RMND1: variants seen among roughly 807,000 people sequenced by gnomAD.
The protein encoded by RMND1 is required for meiotic nuclear division protein 1 homolog.
RMND1 carries 41 observed loss-of-function variants against 54.0 expected under a neutral mutation model. The ratio of observed to expected loss-of-function variants is 0.76; its 90% confidence interval spans 0.59 to 0.98. The LOEUF (loss-of-function observed/expected upper bound fraction) is 0.98. Among genes scored for constraint, RMND1 ranks in the 50% least tolerant of loss-of-function variants. The probability of loss-of-function intolerance (pLI) is 0.00; values close to 1 mark genes in which losing one functional copy is unlikely to be tolerated. For missense variants in RMND1, 457 were observed against 532.0 expected (o/e 0.86, Z 1.39); for synonymous variants, 183 against 181.7 (o/e 1.01, Z -0.06).
intron 2 of RMND1, among the ~76,000 whole-genome samples, chr6:151,443,371 G>A (rs1461702477): frequency 6.6e-6 from 1 of 152,086 alleles, no homozygotes; most frequent in African/African-American, 2.4e-5. Context: ...GAGTGCAGTG[G>A]CATGATCTCA....
chr6:151,444,285 G>A lies in RMND1; in HGVS notation c.504+1023C>T, dbSNP rs556785523. 7.9e-5 allele frequency among the ~76,000 whole-genome samples: 12 copies of A among 152,246 alleles called. No homozygotes were observed. The South Asian group carries it at 2.5e-3, about 32-fold the overall frequency. On this transcript the variant is annotated intron_variant, in intron 2 of 11. Transcript: ENST00000444024. ...GGACACTTAAATACTGAATTTCCCA[G>A]GTTACCCCAAAGCTCCAGCAAAAGG...
chr6:151,415,826 A>T (rs1478920414), intron 10 of RMND1, among the ~76,000 whole-genome samples: 1 of 150,940 alleles, frequency 6.6e-6, no homozygotes, highest in Non-Finnish European at 1.5e-5. Context: ...CACATACTGT[A>T]TGACTATCTA....
intron 7 of RMND1, 55 bp from the exon 8 acceptor site, chr6:151,422,660 T>C (rs774959335): frequency 4.0e-4 from 322 of 795,692 alleles, no homozygotes; most frequent in Middle Eastern, 1.6e-3. Flanking sequence ...CACATGTATA[T>C]AAAATACATA....
At position 151,433,939 on chromosome 6, in the gene RMND1, ACC is replaced by A. The variant is rs143471784; in HGVS notation, c.614-711_614-710del. On this transcript the variant is annotated intron_variant, in intron 3 of 11. Coordinates refer to ENST00000444024, the MANE Select transcript of RMND1 (RefSeq NM_017909.4). ...AGCCTCAACCTCCTGAACTCAAGGG[ACC>A]CCCCCCCGCCCCACCCACCTCAGCC... 4.1e-4 allele frequency among the ~76,000 whole-genome samples: 35 copies of A among 86,216 alleles called. 1 individual carries two copies. Among genetic ancestry groups the A allele is most frequent in the African/African-American group, 2.0e-3 (35 of 17,746 alleles). The allele number at this position is 86,216 out of a possible 152,430, so 56.6% of individuals were successfully genotyped here.
chr6:151,433,349 C>A, intron 3 of RMND1, 119 bp from the exon 4 acceptor site: 1 of 536,574 alleles, frequency 1.9e-6, no homozygotes, highest in South Asian at 3.1e-5. Flanking sequence ...ATGGAGTGCT[C>A]TGTAACACAA....
chr6:151,421,163 G>A, intron 9 of RMND1, 82 bp downstream of exon 9: 1 of 984,142 alleles, frequency 1.0e-6, no homozygotes, highest in Non-Finnish European at 1.6e-6. Context: ...GTAAATGTTT[G>A]CTCTTCACCA....
chr6:151,447,997 G>A (rs7741193), intron 1 of RMND1, among the ~76,000 whole-genome samples: 27,765 of 151,674 alleles, frequency 0.18, 2,598 homozygotes, highest in South Asian at 0.22. Flanking sequence ...TGTATTTTTA[G>A]TAGAGACGGG....
Position 151,431,059 on chromosome 6 carries a change from A to G in RMND1, c.690-882T>C, listed in dbSNP as rs7765762. Among the ~76,000 whole-genome samples, 1,169 of 152,124 alleles carry G rather than the reference A, an allele frequency of 7.7e-3. 14 individuals carry two copies. The highest frequency in any genetic ancestry group is 0.024 in the African/African-American group (982 of 41,464). On this transcript the variant is annotated intron_variant, in intron 4 of 11. Coordinates refer to ENST00000444024, the MANE Select transcript of RMND1 (RefSeq NM_017909.4). ...AATAGTGTGTGATCAGTGCTACAAG[A>G]GTATGCAGAGTATACCATGAGATGT...
chr6:151,442,436 C>T (rs1015410006), intron 2 of RMND1, among the ~76,000 whole-genome samples: 10 of 152,204 alleles, frequency 6.6e-5, no homozygotes, highest in African/African-American at 2.2e-4. Context: ...AACATTCTCC[C>T]TGGTGTCGGG....
chr6:151,418,416 A>AT (rs1336062177), intron 9 of RMND1: 1 of 137,252 alleles, frequency 7.3e-6, no homozygotes, highest in African/African-American at 3.4e-5. Flanking sequence ...CCCATCTCAA[A>AT]TAAAAAAAAA....
At chr6:151,424,887 G>GGCTGAGAA (rs1411951509) in intron 6 of RMND1, among the ~76,000 whole-genome samples, 2 of 112,396 alleles carry the variant, frequency 1.8e-5, no homozygotes, top group African/African-American at 8.0e-5. Flanking sequence ...CCTGATGGAG[G>GGCTGAGAA]GCGGCATCTG....
At chr6:151,406,994 T>C (rs887168652) in intron 10 of RMND1, among the ~76,000 whole-genome samples, 5 of 151,944 alleles carry the variant, frequency 3.3e-5, no homozygotes, top group Non-Finnish European at 4.4e-5. Context: ...ACCCTGTCTC[T>C]ACAAAAAAAT....
chr6:151,422,409 G>A (rs1780176804), intron 8 of RMND1, 132 bp downstream of exon 8: 1 of 477,600 alleles, frequency 2.1e-6, no homozygotes. Context: ...GGTAGATTCT[G>A]GTATCCAGTG....
rs559244532 is a variant in RMND1 at position 151,440,091 on chromosome 6, G to A, written c.505-3537C>T. 3.3e-5 allele frequency among the ~76,000 whole-genome samples: 5 copies of A among 152,094 alleles called. No homozygotes were observed. In the South Asian group the frequency reaches 1.0e-3, roughly 32 times the overall value. On this transcript the variant is annotated intron_variant, in intron 2 of 11. Coordinates refer to ENST00000444024, the MANE Select transcript of RMND1 (RefSeq NM_017909.4). The stretch of plus-strand genomic sequence containing the variant: ...CCCGCCTCAACCTCCCGAGTAGCTA[G>A]GATTACAGGCATGCACCACCACACC...
intron 10 of RMND1, among the ~76,000 whole-genome samples, chr6:151,406,949 C>G (rs1779645776): frequency 6.6e-6 from 1 of 151,962 alleles, no homozygotes; most frequent in Admixed American, 6.6e-5. Context: ...CACTTGAGCT[C>G]AGGAGTTGGA....
intron 6 of RMND1, among the ~76,000 whole-genome samples, chr6:151,427,271 G>A (rs1274528030): frequency 1.3e-5 from 2 of 151,984 alleles, no homozygotes; most frequent in African/African-American, 4.8e-5. Context: ...ACTTACTCAG[G>A]AGGCTGAGGC....
chr6:151,436,483 G>T lies in RMND1; in HGVS notation c.576C>A (p.Ala192=), dbSNP rs1229379644. ...TTGTTACTTCAACATATCCGTGGGA[G>T]GCCAGATCTTGAGACAGATTTCCCA... ...YHLGNLSQDL[A]SHGYVEVTSL... Residue 192 remains alanine, a synonymous_variant, in exon 3 of 12, where the codon GCC becomes GCA. Coordinates refer to ENST00000444024, the MANE Select transcript of RMND1 (RefSeq NM_017909.4). The T allele has an allele frequency of 6.2e-7, 1 of 1,614,018 alleles. No individual in the cohort carries two copies. The highest frequency in any genetic ancestry group is 2.2e-5 in the East Asian group (1 of 44,874).
intron 8 of RMND1, among the ~76,000 whole-genome samples, chr6:151,422,036 T>G (rs996674301): frequency 6.6e-6 from 1 of 152,182 alleles, no homozygotes; most frequent in Non-Finnish European, 1.5e-5. Context: ...AATATGAAGT[T>G]TCTTAATTTG....
chr6:151,427,449 C>A, intron 6 of RMND1, 33 bp downstream of exon 6: 2 of 1,254,974 alleles, frequency 1.6e-6, no homozygotes, highest in Non-Finnish European at 1.2e-6. Flanking sequence ...ATTCCAAGTG[C>A]CCCTTTCATA....
Sources: gnomAD v4.1 joint callset for allele counts (sites outside exome capture counted in the v4.1 genomes callset) on GRCh38, gnomAD v4.1.1 for gene constraint, MANE v1.5 for transcripts, NCBI Gene and HGNC (gene_info 2026-07-23, HGNC 2026-07-21) for gene names.